CAPN5: variants seen among roughly 807,000 people sequenced by gnomAD.
CAPN5 encodes calpain-5.
CAPN5 carries 54 observed loss-of-function variants against 73.0 expected under a neutral mutation model. The observed-to-expected ratio is 0.74, with a 90% CI of 0.59 to 0.93. CAPN5 has a LOEUF of 0.93. CAPN5 is among the 40% of genes least tolerant of loss of function. CAPN5 has a pLI of 0.00. For missense variants in CAPN5, 785 were observed against 882.9 expected, an observed-to-expected ratio of 0.89 and a Z score of 1.41; for synonymous variants, 335 against 356.9, an observed-to-expected ratio of 0.94 and a Z score of 0.69.
At chr11:77,107,951 A>G (rs1349244121) in intron 3 of CAPN5, among the ~76,000 whole-genome samples, 2 of 152,190 alleles carry the variant, frequency 1.3e-5, no homozygotes, top group Admixed American at 6.5e-5. Flanking sequence ...AGCTCTCTAC[A>G]GTTTATGAAA....
intron 1 of CAPN5, among the ~76,000 whole-genome samples, chr11:77,084,219 A>G (rs1950057614): frequency 6.7e-6 from 1 of 149,868 alleles, no homozygotes; most frequent in African/African-American, 2.4e-5. Flanking sequence ...ATTGGTGCAA[A>G]GTTCAGGGTG....
At position 77,112,795 on chromosome 11, in the gene CAPN5, CAAGTAGG is replaced by C; in HGVS notation, c.505_506+5del. The C allele has an allele frequency of 6.2e-7, 1 of 1,614,038 alleles. No homozygotes were observed. Among genetic ancestry groups the C allele is most frequent in the Non-Finnish European group, 8.5e-7 (1 of 1,179,938 alleles). ...GCGCCCTAGTGGAGAAGGCCTATGCCAAGTAGGTGCCAGCAGCAGGCAGGTGGGTGGG... is the reference window on the plus strand; with the variant it reads ...GCGCCCTAGTGGAGAAGGCCTATGCCTGCCAGCAGCAGGCAGGTGGGTGGG... On this transcript the variant is annotated splice_donor_variant and splice_donor_5th_base_variant and coding_sequence_variant and intron_variant, in exon 4 of 13. Coordinates refer to ENST00000648180, the MANE Select transcript of CAPN5 (RefSeq NM_004055.5). LOFTEE classifies it high-confidence loss of function.
intron 12 of CAPN5, among the ~76,000 whole-genome samples, 165 bp from the exon 13 acceptor site, chr11:77,123,523 A>G (rs1383086270): frequency 1.3e-5 from 2 of 152,144 alleles, no homozygotes; most frequent in African/African-American, 4.8e-5. Context: ...TGGAAGGGGC[A>G]CCACCTTGCC....
intron 1 of CAPN5, among the ~76,000 whole-genome samples, chr11:77,076,303 C>T (rs538597187): frequency 1.2e-4 from 19 of 152,200 alleles, no homozygotes; most frequent in South Asian, 2.1e-4. Context: ...TGCTGTGAGC[C>T]GAGATCACGC....
intron 3 of CAPN5, among the ~76,000 whole-genome samples, chr11:77,100,417 G>A (rs1565268345): frequency 6.8e-6 from 1 of 147,612 alleles, no homozygotes; most frequent in African/African-American, 2.5e-5. Context: ...CCCACCGCTC[G>A]TCCCTCCCGC....
chr11:77,090,365 G>A (rs192358954), intron 2 of CAPN5, among the ~76,000 whole-genome samples: 191 of 152,332 alleles, frequency 1.3e-3, no homozygotes, highest in Non-Finnish European at 2.0e-3. Context: ...CCCAAGCTCG[G>A]TCTGTCTCTC....
At chr11:77,122,540 C>A (rs527952162) in intron 11 of CAPN5, 36 bp from the exon 12 acceptor site, 2 of 1,162,262 alleles carry the variant, frequency 1.7e-6, no homozygotes, top group Non-Finnish European at 2.5e-6. Context: ...AGCCCCCACC[C>A]CCACCCTCAC....
At chr11:77,112,996 G>A (rs1950427784) in intron 4 of CAPN5, 199 bp downstream of exon 4, 2 of 609,816 alleles carry the variant, frequency 3.3e-6, no homozygotes, top group African/African-American at 1.8e-5. Flanking sequence ...CCTGGGCCCT[G>A]TAAGGAGAGG....
intron 3 of CAPN5, among the ~76,000 whole-genome samples, chr11:77,109,825 T>C (rs75774356): frequency 0.021 from 3,255 of 152,200 alleles, 117 homozygotes; most frequent in African/African-American, 0.074. Flanking sequence ...GGAGCCTCAT[T>C]AGCAGCTTCT....
Position 77,115,497 on chromosome 11 carries a change from C to G in CAPN5, c.802C>G (p.Leu268Val). ...GCGCAAGGTGCGCCTGGGCCACGGC[C>G]TACTGGCCTTCTTCAAGTCAGAGAA... ...DVRKVRLGHG[L>V]LAFFKSEKLD... Residue 268 changes from leucine to valine, a missense_variant, in exon 6 of 13, where the codon CTA becomes GTA. Coordinates refer to ENST00000648180, the MANE Select transcript of CAPN5 (RefSeq NM_004055.5). 2 of 1,613,390 alleles carry G rather than the reference C, an allele frequency of 1.2e-6. No homozygotes were observed. Among genetic ancestry groups the G allele is most frequent in the Non-Finnish European group, 1.7e-6 (2 of 1,179,984 alleles).
intron 3 of CAPN5, among the ~76,000 whole-genome samples, chr11:77,105,833 CTCA>C (rs1362346288): frequency 6.6e-6 from 1 of 152,226 alleles, no homozygotes; most frequent in Non-Finnish European, 1.5e-5. Context: ...GCTCTGTTCC[CTCA>C]TCACCACTCT....
chr11:77,070,196 C>T lies in CAPN5; in HGVS notation c.-36+3102C>T, dbSNP rs368838144. Among the ~76,000 whole-genome samples the T allele has an allele frequency of 4.5e-4, 68 of 152,274 alleles. 1 individual carries two copies. In the South Asian group the frequency reaches 0.013, roughly 29 times the overall value. Reference sequence around the variant, plus strand: ...TCTGGGTGGGCAACAGCTGAGGCTGCGGTGGCCTGTGGGTGTGTGCTGTGG... The same window carrying T: ...TCTGGGTGGGCAACAGCTGAGGCTGTGGTGGCCTGTGGGTGTGTGCTGTGG... On this transcript the variant is annotated intron_variant, in intron 1 of 12. Coordinates refer to ENST00000648180, the MANE Select transcript of CAPN5 (RefSeq NM_004055.5).
chr11:77,089,953 A>G (rs1555036207), intron 2 of CAPN5, among the ~76,000 whole-genome samples: 1 of 152,188 alleles, frequency 6.6e-6, no homozygotes, highest in Non-Finnish European at 1.5e-5. Context: ...CTGAATTTGA[A>G]TCTCATTTCA....
intron 2 of CAPN5, 92 bp downstream of exon 2, chr11:77,085,143 G>C (rs1000522961): frequency 6.3e-6 from 7 of 1,103,328 alleles, no homozygotes; most frequent in Non-Finnish European, 9.4e-6. Flanking sequence ...GTGGGAGGAG[G>C]CATCCCTGGC....
rs1378344179 is a variant in CAPN5, at chr11:77,125,732, C to G, written c.*1862C>G. 6.6e-6 allele frequency: 1 copy of G among 152,406 alleles called. No homozygotes were observed. The highest frequency in any genetic ancestry group is 1.5e-5 in the Non-Finnish European group (1 of 68,008). 9.4% of individuals were successfully genotyped at this position (152,406 alleles called of 1,614,324 possible). ...AGCCAGCTTGCACCTCAGGCTAACA[C>G]ATAGGACTTTGCTCAGCCATGTCCC... On this transcript the variant is annotated 3_prime_UTR_variant, in exon 13 of 13. Coordinates refer to ENST00000648180, the MANE Select transcript of CAPN5 (RefSeq NM_004055.5).
At chr11:77,071,983 A>T (rs1170910409) in intron 1 of CAPN5, among the ~76,000 whole-genome samples, 1 of 152,128 alleles carries the variant, frequency 6.6e-6, no homozygotes, top group Non-Finnish European at 1.5e-5. Flanking sequence ...AGGCCACGCC[A>T]TACTGGGCCC....
At chr11:77,110,311 C>T (rs554716711) in intron 3 of CAPN5, among the ~76,000 whole-genome samples, 13 of 152,248 alleles carry the variant, frequency 8.5e-5, no homozygotes, top group African/African-American at 2.9e-4. Context: ...AGGCTGGTAT[C>T]GAACTGGCCT....
At chr11:77,085,819 G>C (rs1555035407) in intron 2 of CAPN5, among the ~76,000 whole-genome samples, 1 of 152,172 alleles carries the variant, frequency 6.6e-6, no homozygotes, top group Non-Finnish European at 1.5e-5. Flanking sequence ...TGGTGGCCTG[G>C]GTGGAGGGGA....
intron 7 of CAPN5, 103 bp downstream of exon 7, chr11:77,116,406 C>T (rs1565277454): frequency 6.1e-6 from 5 of 816,690 alleles, no homozygotes; most frequent in Non-Finnish European, 6.3e-6. Flanking sequence ...CTCCTGCATG[C>T]CCCATCATCA....
Sources: gnomAD v4.1 joint callset for allele counts (sites outside exome capture counted in the v4.1 genomes callset) on GRCh38, gnomAD v4.1.1 for gene constraint, MANE v1.5 for transcripts, NCBI Gene and HGNC (gene_info 2026-07-23, HGNC 2026-07-21) for gene names.